Variants in CCDC170 observed in about 807,000 individuals in gnomAD.
CCDC170 encodes the protein coiled-coil domain-containing protein 170.
CCDC170 carries 69 observed loss-of-function variants against 72.6 expected under a neutral mutation model. That is an observed-to-expected ratio of 0.95 (90% CI 0.78 to 1.16). The LOEUF (loss-of-function observed/expected upper bound fraction) is 1.16. Among genes scored for constraint, CCDC170 ranks in the 50% most tolerant of loss-of-function variants. The pLI is 0.00. For synonymous variants in CCDC170, 300 were observed against 303.9 expected (o/e 0.99, Z 0.13); for missense variants, 852 against 832.5 (o/e 1.02, Z -0.29).
At chr6:151,531,570 A>G (rs1168241827) in intron 1 of CCDC170, among the ~76,000 whole-genome samples, 1 of 152,202 alleles carries the variant, frequency 6.6e-6, no homozygotes, top group East Asian at 1.9e-4. Flanking sequence ...TTAGGGGGAA[A>G]ACCCAAATAC....
chr6:151,602,035 A>G (rs182873511), intron 9 of CCDC170, among the ~76,000 whole-genome samples: 12 of 152,310 alleles, frequency 7.9e-5, no homozygotes, highest in African/African-American at 2.6e-4. Flanking sequence ...CAAGGCTGCT[A>G]TGAACATTTG....
At chr6:151,518,454 G>A (rs1782268027) in intron 1 of CCDC170, among the ~76,000 whole-genome samples, 1 of 152,176 alleles carries the variant, frequency 6.6e-6, no homozygotes, top group African/African-American at 2.4e-5. Flanking sequence ...AGACCCCCAA[G>A]AGAGGGTTCT....
chr6:151,500,194 C>T (rs1447939674), intron 1 of CCDC170, among the ~76,000 whole-genome samples: 1 of 150,060 alleles, frequency 6.7e-6, no homozygotes, highest in Non-Finnish European at 1.5e-5. Context: ...GAACCATTTC[C>T]TCCCTCTTCT....
chr6:151,596,186 A>T (rs1776618804), intron 8 of CCDC170, 149 bp from the exon 9 acceptor site: 11 of 983,128 alleles, frequency 1.1e-5, no homozygotes, highest in Non-Finnish European at 1.4e-5. Context: ...TAAAAAATGC[A>T]ATCAGGAAAA....
Position 151,618,104 on chromosome 6 carries a change from G to C in CCDC170, c.2105G>C (p.Gly702Ala). ...GCCTGCCTCAAAGATGTGACTACTGGGCAAGAGAGGCACCCACAAGGCCAT... is the reference window on the plus strand; with the variant it reads ...GCCTGCCTCAAAGATGTGACTACTGCGCAAGAGAGGCACCCACAAGGCCAT... Reference protein sequence around the residue: ...TCACLKDVTTGQERHPQGHLQ... With the variant: ...TCACLKDVTTAQERHPQGHLQ... The change falls in exon 11 of 11, where the codon GGG (glycine) becomes GCG (alanine). Residue 702 changes from glycine (G) to alanine (A), a missense_variant. Gly to Ala is a moderately conservative substitution (Grantham distance 60). Transcript: ENST00000239374. The C allele has an allele frequency of 1.9e-6, 3 of 1,614,056 alleles. No homozygotes were observed. The highest frequency in any genetic ancestry group is 2.5e-6 in the Non-Finnish European group (3 of 1,180,006).
chr6:151,550,271 G>A (rs935541654), intron 5 of CCDC170, among the ~76,000 whole-genome samples: 10 of 152,294 alleles, frequency 6.6e-5, no homozygotes, highest in African/African-American at 2.2e-4. Context: ...CCCAGCAGAT[G>A]GAATTTAAGA....
At chr6:151,524,942 T>TC (rs1446669334) in intron 1 of CCDC170, among the ~76,000 whole-genome samples, 1 of 147,796 alleles carries the variant, frequency 6.8e-6, no homozygotes, top group Non-Finnish European at 1.5e-5. Flanking sequence ...TTTTTTTTTT[T>TC]TTTTTTTTGA....
intron 9 of CCDC170, among the ~76,000 whole-genome samples, chr6:151,613,546 G>GC (rs1776909175): frequency 6.6e-6 from 1 of 152,124 alleles, no homozygotes; most frequent in South Asian, 2.1e-4. Context: ...CCTCCTACTA[G>GC]CCCCTGGCCT....
At chr6:151,566,421 T>A (rs2115080088) in intron 5 of CCDC170, among the ~76,000 whole-genome samples, 1 of 152,296 alleles carries the variant, frequency 6.6e-6, no homozygotes, top group African/African-American at 2.4e-5. Context: ...AAGAATACTT[T>A]TTTCCTTATT....
intron 9 of CCDC170, among the ~76,000 whole-genome samples, chr6:151,596,918 C>G: frequency 6.6e-6 from 1 of 152,176 alleles, no homozygotes; most frequent in East Asian, 1.9e-4. Flanking sequence ...CCTCCTCTTC[C>G]TGGGTTCAAG....
intron 7 of CCDC170, among the ~76,000 whole-genome samples, chr6:151,588,377 G>A (rs896792045): frequency 4.6e-5 from 7 of 152,154 alleles, no homozygotes; most frequent in Non-Finnish European, 7.4e-5. Flanking sequence ...AATTTTTGAG[G>A]TATCTGCCAC....
In CCDC170 at chr6:151,538,116, C is replaced by T. The variant is rs372316167; in HGVS notation, c.258C>T (p.Ser86=). 22 of 1,613,458 alleles carry T rather than the reference C, an allele frequency of 1.4e-5. No individual in the cohort carries two copies. The African/African-American group carries it at 1.9e-4, about 14-fold the overall frequency. The change falls in exon 3 of 11, where the codon AGC becomes AGT. Residue 86 remains serine, a synonymous_variant. Coordinates refer to ENST00000239374, the MANE Select transcript of CCDC170 (RefSeq NM_025059.4). The part of the protein sequence containing the change: ...SCQELKAEME[S]YKENNARKSS... ...AAGAACTGAAAGCTGAAATGGAGAG[C>T]TACAAGGAAAACAATGCCAGAAAAT...
chr6:151,515,405 C>A (rs1428371924), intron 1 of CCDC170, among the ~76,000 whole-genome samples: 1 of 152,214 alleles, frequency 6.6e-6, no homozygotes. Flanking sequence ...GCCTCAGCCT[C>A]CCAAGTAACT....
At chr6:151,557,205 G>A (rs760433965) in intron 5 of CCDC170, among the ~76,000 whole-genome samples, 16 of 151,940 alleles carry the variant, frequency 1.1e-4, no homozygotes, top group Non-Finnish European at 1.9e-4. Flanking sequence ...TAAGGAGACC[G>A]AGACCATCCT....
intron 4 of CCDC170, among the ~76,000 whole-genome samples, chr6:151,546,114 G>A (rs888555284): frequency 6.6e-6 from 1 of 152,156 alleles, no homozygotes; most frequent in Non-Finnish European, 1.5e-5. Context: ...CCTCTCAGGT[G>A]TCTACTAGTG....
Position 151,544,654 on chromosome 6 carries a change from C to A in CCDC170, c.526C>A (p.Arg176Ser). Residue 176 changes from arginine to serine, a missense_variant, in exon 4 of 11, where the codon CGT (arginine) becomes AGT (serine). Coordinates refer to ENST00000239374, the MANE Select transcript of CCDC170 (RefSeq NM_025059.4). ...RKHEEFLTQL[R>S]DCLDPDERND... ...ACATGAGGAATTTCTGACTCAACTGCGTGACTGCTTGGATCCAGATGAGAG... is the reference window on the plus strand; with the variant it reads ...ACATGAGGAATTTCTGACTCAACTGAGTGACTGCTTGGATCCAGATGAGAG... 6.2e-7 allele frequency: 1 copy of A among 1,613,418 alleles called. No homozygotes were observed. Among genetic ancestry groups the A allele is most frequent in the Non-Finnish European group, 8.5e-7 (1 of 1,179,460 alleles).
At chr6:151,525,560 GA>G (rs1232106445) in intron 1 of CCDC170, among the ~76,000 whole-genome samples, 1 of 152,066 alleles carries the variant, frequency 6.6e-6, no homozygotes, top group African/African-American at 2.4e-5. Context: ...CCACCCTTGA[GA>G]ATGTACTTTG....
chr6:151,549,049 A>G (rs6557148), intron 5 of CCDC170, among the ~76,000 whole-genome samples: 137,411 of 152,002 alleles, frequency 0.9, 62,270 homozygotes, highest in East Asian at 1. Flanking sequence ...ACAGGGGCCC[A>G]CCACCACACC....
chr6:151,513,919 C>CAAAAAAAAAAAA (rs58387477), intron 1 of CCDC170, among the ~76,000 whole-genome samples: 7 of 51,132 alleles, frequency 1.4e-4, no homozygotes, highest in Admixed American at 2.4e-4. Flanking sequence ...GACCCTGTCT[C>CAAAAAAAAAAAA]AAAAAAAAAA....
Sources: allele counts gnomAD v4.1 joint callset (sites outside exome capture counted in the v4.1 genomes callset), GRCh38; gene constraint gnomAD v4.1.1; transcripts MANE v1.5; gene names NCBI Gene and HGNC (gene_info 2026-07-23, HGNC 2026-07-21).